The following KDM7A variants were observed in gnomAD, a reference collection of about 807,000 sequenced individuals.
The protein encoded by KDM7A is lysine demethylase 7A, also known as lysine-specific demethylase 7A.
KDM7A carries 28 observed loss-of-function variants against 114.8 expected under a neutral mutation model. That is an observed-to-expected ratio of 0.24 (90% CI 0.18 to 0.33). The LOEUF is 0.33. Ranked by LOEUF, KDM7A falls within the 10% of genes least tolerant of loss-of-function variation. The pLI, the probability that KDM7A is intolerant of heterozygous loss-of-function variation, is 1.00. For synonymous variants in KDM7A, 423 were observed against 397.8 expected, an observed-to-expected ratio of 1.06 and a Z score of -0.75; for missense variants, 942 against 1,142.5, an observed-to-expected ratio of 0.82 and a Z score of 2.53.
At chr7:140,111,060 TAATC>T (rs1240062862) in intron 11 of KDM7A, 31 bp downstream of exon 11, 11 of 1,159,196 alleles carry the variant, frequency 9.5e-6, no homozygotes, top group South Asian at 3.8e-5. Context: ...AAGCAGATAA[TAATC>T]AAGCATTTAC....
intron 11 of KDM7A, among the ~76,000 whole-genome samples, chr7:140,109,592 T>C (rs1486402105): frequency 1.3e-5 from 2 of 152,222 alleles, no homozygotes; most frequent in African/African-American, 2.4e-5. Flanking sequence ...CTTTTAGGTA[T>C]ATAGCCAGGA....
intron 4 of KDM7A, among the ~76,000 whole-genome samples, chr7:140,128,545 T>C (rs1220302358): frequency 1.3e-5 from 2 of 152,242 alleles, no homozygotes; most frequent in Admixed American, 1.3e-4. Flanking sequence ...CTATTTGTTT[T>C]GCAGATGCTA....
chr7:140,126,488 G>T, intron 6 of KDM7A, 149 bp downstream of exon 6: 1 of 424,396 alleles, frequency 2.4e-6, no homozygotes. Context: ...AACGTTTAAA[G>T]GCAAAGTGAC....
intron 1 of KDM7A, among the ~76,000 whole-genome samples, chr7:140,152,699 T>C (rs1562958745): frequency 6.6e-6 from 1 of 152,026 alleles, no homozygotes; most frequent in Non-Finnish European, 1.5e-5. Flanking sequence ...GACGCTGAGT[T>C]GCCAGGAAAG....
intron 9 of KDM7A, among the ~76,000 whole-genome samples, chr7:140,116,617 G>A (rs1343742339): frequency 6.6e-6 from 1 of 151,952 alleles, no homozygotes. Context: ...AGTAAGAACA[G>A]CCTTATTCTT....
intron 11 of KDM7A, among the ~76,000 whole-genome samples, chr7:140,105,527 C>T (rs1396552439): frequency 6.6e-6 from 1 of 152,200 alleles, no homozygotes; most frequent in Non-Finnish European, 1.5e-5. Context: ...AAGGCCTTTT[C>T]TGCATCTATT....
intron 1 of KDM7A, among the ~76,000 whole-genome samples, chr7:140,157,266 A>G (rs1012933029): frequency 1.3e-5 from 2 of 152,154 alleles, no homozygotes; most frequent in African/African-American, 4.8e-5. Flanking sequence ...AAATCGATGG[A>G]TTTTTTTGTC....
At chr7:140,135,204 CCT>C (rs1491489937) in intron 2 of KDM7A, among the ~76,000 whole-genome samples, 2 of 136,764 alleles carry the variant, frequency 1.5e-5, no homozygotes, top group African/African-American at 2.8e-5. Flanking sequence ...ATACATAACT[CCT>C]TTTTTTTTTT....
At chr7:140,136,947 A>C (rs975005527) in intron 2 of KDM7A, among the ~76,000 whole-genome samples, 2 of 152,138 alleles carry the variant, frequency 1.3e-5, no homozygotes, top group Admixed American at 1.3e-4. Flanking sequence ...AGACTGTGCC[A>C]CTGCACTCCA....
chr7:140,112,294 T>A lies in KDM7A; in HGVS notation c.1339-1110A>T, dbSNP rs188959407. The stretch of plus-strand genomic sequence containing the variant: ...TATTTCTTAAGAGCAAGATTTTTAT[T>A]TCAAGGGGACATTCAAGAAATTAAT... On this transcript the variant is annotated intron_variant, in intron 10 of 19. Coordinates refer to ENST00000397560, the MANE Select transcript of KDM7A (RefSeq NM_030647.2). 4.3e-4 allele frequency among the ~76,000 whole-genome samples: 66 copies of A among 152,304 alleles called. 1 individual carries two copies. Among genetic ancestry groups the A allele is most frequent in the African/African-American group, 1.5e-3 (61 of 41,570 alleles).
At chr7:140,145,153 A>AT (rs1382611614) in intron 1 of KDM7A, among the ~76,000 whole-genome samples, 1 of 152,140 alleles carries the variant, frequency 6.6e-6, no homozygotes, top group East Asian at 1.9e-4. Context: ...TATTTATGTG[A>AT]TTTTTTTTCA....
chr7:140,151,575 T>C (rs73737516), intron 1 of KDM7A, among the ~76,000 whole-genome samples: 3,234 of 152,280 alleles, frequency 0.021, 118 homozygotes, highest in African/African-American at 0.074. Flanking sequence ...GTCCATACCT[T>C]TTTCAATGAA....
chr7:140,159,915 T>G (rs538964001), intron 1 of KDM7A, among the ~76,000 whole-genome samples: 7 of 150,374 alleles, frequency 4.7e-5, no homozygotes, highest in Admixed American at 4.0e-4. Flanking sequence ...CTCATTTGCT[T>G]ATTTAAGTTC....
chr7:140,157,378 G>A (rs1354966614), intron 1 of KDM7A, among the ~76,000 whole-genome samples: 1 of 152,238 alleles, frequency 6.6e-6, no homozygotes, highest in Non-Finnish European at 1.5e-5. Flanking sequence ...ACTGAGGCCA[G>A]GCACAGTGGC....
intron 1 of KDM7A, among the ~76,000 whole-genome samples, chr7:140,162,465 TGA>T (rs987719102): frequency 6.6e-6 from 1 of 152,210 alleles, no homozygotes; most frequent in Non-Finnish European, 1.5e-5. Context: ...AACAAAACAT[TGA>T]GACTGTTTTA....
intron 11 of KDM7A, among the ~76,000 whole-genome samples, chr7:140,108,437 G>C (rs1818378025): frequency 6.6e-6 from 1 of 152,162 alleles, no homozygotes; most frequent in African/African-American, 2.4e-5. Flanking sequence ...GGTCTTTGAT[G>C]ATGGTGACCT....
Position 140,176,958 on chromosome 7 carries a change from C to A in KDM7A, c.-21G>T. The stretch of plus-strand genomic sequence containing the variant: ...GCCATCTTTAAAAAACACACACACG[C>A]TCGCTCGCTACTCCGCTCGCCGACT... On this transcript the variant is annotated 5_prime_UTR_variant, in exon 1 of 20. Coordinates refer to ENST00000397560, the MANE Select transcript of KDM7A (RefSeq NM_030647.2). The surrounding 1 kb of genome is among the most constrained non-coding windows in gnomAD (Gnocchi z 4.4). 3 of 1,122,136 alleles carry A rather than the reference C, an allele frequency of 2.7e-6. No homozygotes were observed. The highest frequency in any genetic ancestry group is 3.3e-6 in the Non-Finnish European group (3 of 916,264). 69.5% of individuals were successfully genotyped at this position (1,122,136 alleles called of 1,614,324 possible). A position where few individuals can be genotyped will look rare whatever the true frequency, so the allele number is the denominator to read the frequency against.
Position 140,155,058 on chromosome 7 carries a change from A to G in KDM7A, c.195-15868T>C, listed in dbSNP as rs920790935. On this transcript the variant is annotated intron_variant, in intron 1 of 19. Coordinates refer to ENST00000397560, the MANE Select transcript of KDM7A (RefSeq NM_030647.2). ...TGACTACTAACAAAGCACGTTAATG[A>G]ATACATATGAACCAAAGAAGTCAAT... Among the ~76,000 whole-genome samples the G allele has an allele frequency of 7.9e-5, 12 of 152,196 alleles. 1 individual carries two copies. The highest frequency in any genetic ancestry group is 2.9e-4 in the African/African-American group (12 of 41,456).
At chr7:140,157,421 G>C (rs1400546152) in intron 1 of KDM7A, among the ~76,000 whole-genome samples, 1 of 152,216 alleles carries the variant, frequency 6.6e-6, no homozygotes, top group Admixed American at 6.5e-5. Context: ...GGGAGGCCGA[G>C]GTGGGAGGGT....
Sources: gnomAD v4.1 joint callset for allele counts (sites outside exome capture counted in the v4.1 genomes callset) on GRCh38, gnomAD v4.1.1 for gene constraint, Gnocchi (gnomAD v3.1) non-coding constraint, MANE v1.5 for transcripts, NCBI Gene and HGNC (gene_info 2026-07-23, HGNC 2026-07-21) for gene names.